Variants in ESR1 observed in about 807,000 individuals in gnomAD.
ESR1 encodes estrogen receptor 1.
ESR1 carries 12 observed loss-of-function variants against 52.7 expected under a neutral mutation model. The ratio of observed to expected loss-of-function variants is 0.23; its 90% confidence interval spans 0.15 to 0.37. The LOEUF is 0.37. ESR1 is among the 10% of genes least tolerant of loss of function. The pLI, the probability that ESR1 is intolerant of heterozygous loss-of-function variation, is 1.00. For synonymous variants in ESR1, 305 were observed against 316.8 expected, an observed-to-expected ratio of 0.96 and a Z score of 0.39; for missense variants, 584 against 779.7, an observed-to-expected ratio of 0.75 and a Z score of 2.99.
At chr6:151,697,394 C>T (rs1390178902) in intron 1 of ESR1, among the ~76,000 whole-genome samples, 5 of 152,148 alleles carry the variant, frequency 3.3e-5, no homozygotes, top group Admixed American at 2.0e-4. Context: ...AGCTTGGTGC[C>T]CCATCTTCCT....
intron 7 of ESR1, among the ~76,000 whole-genome samples, chr6:152,095,691 A>G (rs2050555101): frequency 6.6e-6 from 1 of 152,144 alleles, no homozygotes; most frequent in African/African-American, 2.4e-5. Flanking sequence ...AATCTAACCT[A>G]TCATAGCTCA....
intron 3 of ESR1, among the ~76,000 whole-genome samples, chr6:151,909,667 T>G (rs1318383537): frequency 6.6e-6 from 1 of 152,102 alleles, no homozygotes; most frequent in East Asian, 1.9e-4. Flanking sequence ...CAGCCACCAC[T>G]GGGTTCAGGG....
At chr6:151,859,454 G>A (rs1341819591) in intron 2 of ESR1, among the ~76,000 whole-genome samples, 1 of 152,068 alleles carries the variant, frequency 6.6e-6, no homozygotes, top group Non-Finnish European at 1.5e-5. Context: ...AGAGAGGAAT[G>A]GATTTCAATG....
chr6:152,050,458 T>C (rs1017093317), intron 5 of ESR1, among the ~76,000 whole-genome samples: 4 of 152,234 alleles, frequency 2.6e-5, no homozygotes, highest in Non-Finnish European at 5.9e-5. Flanking sequence ...TTTAAAAATT[T>C]CTCTTATTTG....
At chr6:151,833,210 G>A (rs1470294099) in intron 1 of ESR1, among the ~76,000 whole-genome samples, 1 of 152,170 alleles carries the variant, frequency 6.6e-6, no homozygotes, top group Non-Finnish European at 1.5e-5. Context: ...GGGCTGGAGA[G>A]GCAGACTGTG....
chr6:151,938,024 A>T (rs2034574680), intron 3 of ESR1, among the ~76,000 whole-genome samples: 1 of 151,864 alleles, frequency 6.6e-6, no homozygotes, highest in African/African-American at 2.4e-5. Context: ...ATGAATTAGC[A>T]CTCCCGTTTT....
At chr6:151,885,124 T>C (rs1793636014) in intron 3 of ESR1, among the ~76,000 whole-genome samples, 1 of 152,206 alleles carries the variant, frequency 6.6e-6, no homozygotes, top group African/African-American at 2.4e-5. Flanking sequence ...ATGAATTGAT[T>C]CAATTCATTT....
At chr6:151,773,337 G>T (rs1423612820) in intron 2 of ESR1, among the ~76,000 whole-genome samples, 1 of 152,150 alleles carries the variant, frequency 6.6e-6, no homozygotes, top group Non-Finnish European at 1.5e-5. Context: ...CCAATGCTTT[G>T]ATTTTGGACT....
rs910141048 is a variant in ESR1, at chr6:151,830,517, C to T, written c.453-12080C>T. Reference sequence around the variant, plus strand: ...TGTCAAATTGCAGCTCTCTCTCTCTCTCGACTTACCTTTTTTCTATCATCC... The same window carrying T: ...TGTCAAATTGCAGCTCTCTCTCTCTTTCGACTTACCTTTTTTCTATCATCC... On this transcript the variant is annotated intron_variant, in intron 1 of 7. Coordinates refer to ENST00000206249, the MANE Select transcript of ESR1 (RefSeq NM_000125.4). Among the ~76,000 whole-genome samples the T allele has an allele frequency of 7.2e-5, 11 of 152,154 alleles. No individual in the cohort carries two copies. The East Asian group carries it at 2.1e-3, about 29-fold the overall frequency.
intron 2 of ESR1, among the ~76,000 whole-genome samples, chr6:151,793,960 A>G (rs991575272): frequency 1.3e-5 from 2 of 152,222 alleles, no homozygotes; most frequent in African/African-American, 4.8e-5. Context: ...TTTAAAACAT[A>G]TTAGGAGAAT....
chr6:151,656,701 T>G (rs566227701), exon 1 of ESR1: 5 of 152,200 alleles, frequency 3.3e-5, no homozygotes, highest in Non-Finnish European at 5.9e-5. Flanking sequence ...GAGCCTCAAA[T>G]ATCTCCAAAA....
At chr6:152,036,886 A>G (rs2045352919) in intron 5 of ESR1, among the ~76,000 whole-genome samples, 1 of 152,230 alleles carries the variant, frequency 6.6e-6, no homozygotes, top group South Asian at 2.1e-4. Flanking sequence ...CCTTTGGTTC[A>G]GAATCAGTTT....
chr6:151,915,841 C>A (rs2029964367), intron 3 of ESR1, among the ~76,000 whole-genome samples: 1 of 143,256 alleles, frequency 7.0e-6, no homozygotes, highest in Admixed American at 6.9e-5. Context: ...AGGCTCCTTT[C>A]TCTCTTTCTC....
intron 2 of ESR1, among the ~76,000 whole-genome samples, chr6:151,847,022 C>G (rs748497378): frequency 1.3e-5 from 2 of 152,192 alleles, no homozygotes; most frequent in Non-Finnish European, 2.9e-5. Flanking sequence ...CTATACACCA[C>G]TAGCTATGTT....
chr6:152,062,040 C>G (rs868571281), intron 6 of ESR1, among the ~76,000 whole-genome samples: 16 of 152,172 alleles, frequency 1.1e-4, no homozygotes, highest in South Asian at 1.0e-3. Context: ...TATTTCGAAT[C>G]TCTGGGCCTG....
chr6:151,693,597 A>AG (rs1281691267), intron 1 of ESR1, among the ~76,000 whole-genome samples: 1 of 152,184 alleles, frequency 6.6e-6, no homozygotes, highest in Non-Finnish European at 1.5e-5. Flanking sequence ...GCAATGTCTT[A>AG]GTCCATACAC....
chr6:151,999,037 T>G (rs9340954), intron 4 of ESR1, among the ~76,000 whole-genome samples: 58,281 of 151,902 alleles, frequency 0.38, 12,974 homozygotes, highest in African/African-American at 0.61. Context: ...ATGTCTGAGT[T>G]GCTGTCCTGG....
intron 4 of ESR1, among the ~76,000 whole-genome samples, chr6:151,954,245 A>G (rs748864025): frequency 5.3e-5 from 8 of 152,214 alleles, no homozygotes; most frequent in Non-Finnish European, 1.2e-4. Flanking sequence ...TCTTAGGAAC[A>G]TTCTCCCTTG....
chr6:151,682,662 A>G (rs1438656869), intron 1 of ESR1, among the ~76,000 whole-genome samples: 1 of 152,250 alleles, frequency 6.6e-6, no homozygotes, highest in African/African-American at 2.4e-5. Flanking sequence ...TGGAAGAGTT[A>G]TTAGACATTC....
Sources: allele counts gnomAD v4.1 joint callset (sites outside exome capture counted in the v4.1 genomes callset), GRCh38; gene constraint gnomAD v4.1.1; transcripts MANE v1.5; gene names NCBI Gene and HGNC (gene_info 2026-07-23, HGNC 2026-07-21).